The following NKAIN2 variants were observed in gnomAD, a reference collection of about 807,000 sequenced individuals.
NKAIN2 encodes sodium/potassium-transporting ATPase subunit beta-1-interacting protein 2.
Under a neutral mutation model 32.6 loss-of-function variants are expected in NKAIN2, and 14 were observed. The ratio of observed to expected loss-of-function variants is 0.43; its 90% CI spans 0.28 to 0.67. The LOEUF is 0.67. Ranked by LOEUF, NKAIN2 falls within the 30% of genes least tolerant of loss-of-function variation. The pLI is 0.17. For missense variants in NKAIN2, 198 were observed against 258.3 expected (o/e 0.77, Z 1.60); for synonymous variants, 80 against 87.2 (o/e 0.92, Z 0.46).
chr6:124,791,458 C>A, intron 5 of NKAIN2, 59 bp downstream of exon 5: 1 of 1,126,968 alleles, frequency 8.9e-7, no homozygotes, highest in Non-Finnish European at 1.3e-6. Context: ...TTTACTGCCT[C>A]CTACTTAGCC....
chr6:124,691,980 A>C (rs1207459482), intron 4 of NKAIN2, among the ~76,000 whole-genome samples: 1 of 152,216 alleles, frequency 6.6e-6, no homozygotes, highest in African/African-American at 2.4e-5. Context: ...CAAATGATAA[A>C]AGTGCATTGT....
intron 4 of NKAIN2, among the ~76,000 whole-genome samples, chr6:124,710,848 TA>T (rs1775408202): frequency 6.6e-6 from 1 of 151,118 alleles, no homozygotes; most frequent in Non-Finnish European, 1.5e-5. Context: ...TTAATATTGT[TA>T]TGTGTGAATT....
At chr6:124,017,914 G>A (rs991973214) in intron 1 of NKAIN2, among the ~76,000 whole-genome samples, 5 of 152,250 alleles carry the variant, frequency 3.3e-5, no homozygotes, top group Non-Finnish European at 7.4e-5. Context: ...AGCTCCACTA[G>A]TCAGTGCCCC....
rs144996821 is a variant in NKAIN2, at chr6:123,985,994, T to G, written c.54+181740T>G. Among the ~76,000 whole-genome samples the G allele has an allele frequency of 5.6e-3, 859 of 152,324 alleles. 7 individuals are homozygous for G. Among genetic ancestry groups the G allele is most frequent in the African/African-American group, 0.02 (816 of 41,572 alleles). Reference sequence around the variant, plus strand: ...GAGGGGATATTGTTATCTTTGGGACTGGGATTATACTTGCAAATTTACTTA... The same window carrying G: ...GAGGGGATATTGTTATCTTTGGGACGGGGATTATACTTGCAAATTTACTTA... On this transcript the variant is annotated intron_variant, in intron 1 of 6. Transcript: ENST00000368417.
At chr6:123,877,110 G>A (rs1012911356) in intron 1 of NKAIN2, among the ~76,000 whole-genome samples, 1 of 151,700 alleles carries the variant, frequency 6.6e-6, no homozygotes, top group African/African-American at 2.4e-5. Context: ...TTTTTCTTTT[G>A]GTCCAGATTT....
rs1777085182 is a variant in NKAIN2, at chr6:124,474,073, T to C, written c.273+118726T>C. On this transcript the variant is annotated intron_variant, in intron 3 of 6. Transcript: ENST00000368417. The stretch of plus-strand genomic sequence containing the variant: ...AGTGGAAGCCAAAGCACAATGTCAG[T>C]AAATATTTATGCTTCAGATTTTCTT... Among the ~76,000 whole-genome samples the C allele has an allele frequency of 3.3e-5, 5 of 150,870 alleles. No individual in the cohort carries two copies. The South Asian group carries it at 1.0e-3, about 32-fold the overall frequency.
chr6:124,570,137 C>G (rs1338347286), intron 3 of NKAIN2, among the ~76,000 whole-genome samples: 1 of 152,110 alleles, frequency 6.6e-6, no homozygotes, highest in Non-Finnish European at 1.5e-5. Context: ...TTTAGGGTAC[C>G]TGGCAGAAGA....
At chr6:124,409,200 G>A (rs1400491084) in intron 3 of NKAIN2, among the ~76,000 whole-genome samples, 1 of 152,096 alleles carries the variant, frequency 6.6e-6, no homozygotes, top group Non-Finnish European at 1.5e-5. Flanking sequence ...TCTCCTGCCT[G>A]ATTGCCCTGG....
chr6:124,372,050 A>C (rs1799793229), intron 3 of NKAIN2, among the ~76,000 whole-genome samples: 1 of 152,132 alleles, frequency 6.6e-6, no homozygotes, highest in African/African-American at 2.4e-5. Flanking sequence ...AAGATTGAGA[A>C]AGGAAGGGAG....
chr6:124,370,492 A>G (rs1304986238), intron 3 of NKAIN2, among the ~76,000 whole-genome samples: 2 of 152,106 alleles, frequency 1.3e-5, no homozygotes, highest in African/African-American at 2.4e-5. Context: ...TGCTAGAGGA[A>G]TGAGTCTAAG....
At chr6:124,168,391 G>C (rs802222) in intron 1 of NKAIN2, among the ~76,000 whole-genome samples, 86,525 of 151,932 alleles carry the variant, frequency 0.57, 27,267 homozygotes, top group Non-Finnish European at 0.72. Context: ...ATATGATATT[G>C]TAGTATGGAT....
chr6:124,469,093 G>A (rs2114668041), intron 3 of NKAIN2, among the ~76,000 whole-genome samples: 1 of 152,260 alleles, frequency 6.6e-6, no homozygotes, highest in African/African-American at 2.4e-5. Context: ...TGGTGCCCCT[G>A]GAATTGCTCG....
intron 1 of NKAIN2, among the ~76,000 whole-genome samples, chr6:124,025,069 G>T (rs1781043946): frequency 6.6e-6 from 1 of 151,958 alleles, no homozygotes; most frequent in Admixed American, 6.6e-5. Flanking sequence ...TGTATAACTA[G>T]TCCATGCTAA....
intron 1 of NKAIN2, among the ~76,000 whole-genome samples, chr6:124,155,460 AT>A (rs1787937091): frequency 6.6e-6 from 1 of 152,098 alleles, no homozygotes; most frequent in Non-Finnish European, 1.5e-5. Flanking sequence ...AAAGAAAAAA[AT>A]TTAAATGTTG....
intron 3 of NKAIN2, among the ~76,000 whole-genome samples, chr6:124,543,420 A>C (rs1474743761): frequency 1.3e-5 from 2 of 152,214 alleles, no homozygotes; most frequent in Non-Finnish European, 2.9e-5. Context: ...GTAATAAGAA[A>C]ACTGATGTTT....
chr6:124,205,190 A>G (rs1252345069), intron 1 of NKAIN2, among the ~76,000 whole-genome samples: 3 of 151,836 alleles, frequency 2.0e-5, no homozygotes, highest in Admixed American at 2.0e-4. Flanking sequence ...CTAGATGAAG[A>G]TGGCTATGAA....
intron 1 of NKAIN2, among the ~76,000 whole-genome samples, chr6:123,814,717 G>C (rs1310183301): frequency 6.6e-6 from 1 of 152,008 alleles, no homozygotes. Context: ...ATAGTGATTT[G>C]ATGCAAACTT....
At chr6:124,503,366 A>T (rs967633891) in intron 3 of NKAIN2, among the ~76,000 whole-genome samples, 1 of 152,032 alleles carries the variant, frequency 6.6e-6, no homozygotes, top group African/African-American at 2.4e-5. Context: ...TCTCTGTTAC[A>T]GTTTCTGTTT....
intron 3 of NKAIN2, among the ~76,000 whole-genome samples, chr6:124,473,245 C>T (rs1373628411): frequency 2.0e-5 from 3 of 152,192 alleles, no homozygotes; most frequent in Non-Finnish European, 4.4e-5. Flanking sequence ...CAACAATGCT[C>T]ATTGTAAGTC....
Sources: gnomAD v4.1 joint callset for allele counts (sites outside exome capture counted in the v4.1 genomes callset) on GRCh38, gnomAD v4.1.1 for gene constraint, MANE v1.5 for transcripts, NCBI Gene and HGNC (gene_info 2026-07-23, HGNC 2026-07-21) for gene names.